Variants in LRMDA observed in about 807,000 individuals in gnomAD.
The protein encoded by LRMDA is leucine-rich melanocyte differentiation-associated protein.
In LRMDA, 18 loss-of-function variants were observed where a neutral mutation model predicts 29.8. The observed-to-expected ratio is 0.60, with a 90% CI of 0.42 to 0.90. LRMDA has a LOEUF of 0.90. Among genes scored for constraint, LRMDA ranks in the 40% least tolerant of loss-of-function variants. LRMDA has a pLI of 0.00. For synonymous variants in LRMDA, 125 were observed against 109.4 expected (o/e 1.14, Z -0.89); for missense variants, 273 against 273.9 (o/e 1.00, Z 0.02).
At chr10:76,047,104 G>A (rs1176635959) in intron 3 of LRMDA, 60 bp from the exon 4 acceptor site, 7 of 1,594,020 alleles carry the variant, frequency 4.4e-6, no homozygotes. Context: ...TGTCAGTCAT[G>A]GCCTATGCTC....
intron 6 of LRMDA, among the ~76,000 whole-genome samples, chr10:76,435,333 C>T (rs1842234563): frequency 6.6e-6 from 1 of 152,166 alleles, no homozygotes; most frequent in African/African-American, 2.4e-5. Context: ...CCAATGTTCT[C>T]ACCCCAAGTT....
chr10:75,850,227 A>G (rs1844709369), intron 2 of LRMDA, among the ~76,000 whole-genome samples: 1 of 152,250 alleles, frequency 6.6e-6, no homozygotes, highest in East Asian at 1.9e-4. Flanking sequence ...CTCAATTGGG[A>G]ATAAAAAGAT....
intron 6 of LRMDA, among the ~76,000 whole-genome samples, chr10:76,457,817 G>A (rs932505399): frequency 3.3e-5 from 5 of 152,150 alleles, no homozygotes; most frequent in African/African-American, 1.2e-4. Context: ...TTCCTTAGGA[G>A]CAATCGTTCA....
intron 5 of LRMDA, among the ~76,000 whole-genome samples, chr10:76,201,081 ATT>A (rs1851419412): frequency 9.0e-6 from 1 of 110,682 alleles, no homozygotes; most frequent in South Asian, 2.9e-4. Context: ...TTATTTATTT[ATT>A]TATTTATTTA....
chr10:75,881,492 C>CA (rs1466275548), intron 2 of LRMDA, among the ~76,000 whole-genome samples: 2 of 152,156 alleles, frequency 1.3e-5, no homozygotes, highest in Non-Finnish European at 2.9e-5. Flanking sequence ...CTCTCCCCCC[C>CA]ACTACCCCTA....
At chr10:76,165,486 G>A (rs1038183732) in intron 5 of LRMDA, among the ~76,000 whole-genome samples, 7 of 152,134 alleles carry the variant, frequency 4.6e-5, no homozygotes, top group African/African-American at 1.4e-4. Context: ...TGGCCAGGCT[G>A]GCCTCAAATG....
intron 6 of LRMDA, among the ~76,000 whole-genome samples, chr10:76,417,665 G>T (rs1199716302): frequency 6.6e-6 from 1 of 152,074 alleles, no homozygotes; most frequent in Non-Finnish European, 1.5e-5. Flanking sequence ...TGTTGTTGTT[G>T]TTCAATGTTA....
chr10:75,665,082 C>A (rs1397413103), intron 2 of LRMDA, among the ~76,000 whole-genome samples: 4 of 152,176 alleles, frequency 2.6e-5, no homozygotes, highest in Non-Finnish European at 5.9e-5. Context: ...AAAGAAGCCT[C>A]CATAGAAGAA....
intron 2 of LRMDA, among the ~76,000 whole-genome samples, chr10:75,477,343 C>T (rs978165326): frequency 6.6e-6 from 1 of 152,160 alleles, no homozygotes; most frequent in African/African-American, 2.4e-5. Flanking sequence ...GACCCTGTCT[C>T]CCATTCTGAG....
At chr10:76,168,378 GA>G (rs1442953940) in intron 5 of LRMDA, among the ~76,000 whole-genome samples, 1 of 152,152 alleles carries the variant, frequency 6.6e-6, no homozygotes, top group Non-Finnish European at 1.5e-5. Context: ...TGTGTTGGGA[GA>G]GAAAAAAACA....
chr10:75,973,509 C>T (rs1318231177), intron 2 of LRMDA, among the ~76,000 whole-genome samples: 3 of 151,770 alleles, frequency 2.0e-5, no homozygotes, highest in Non-Finnish European at 4.4e-5. Context: ...ACCTCCACCT[C>T]CTGGGTTCAA....
chr10:75,841,849 T>C (rs942369089), intron 2 of LRMDA, among the ~76,000 whole-genome samples: 5 of 152,228 alleles, frequency 3.3e-5, no homozygotes, highest in Admixed American at 2.0e-4. Context: ...GTGATCATCC[T>C]AGTTAGGACA....
At chr10:75,686,206 C>T (rs1230410437) in intron 2 of LRMDA, among the ~76,000 whole-genome samples, 1 of 152,104 alleles carries the variant, frequency 6.6e-6, no homozygotes, top group Non-Finnish European at 1.5e-5. Flanking sequence ...TGTGATTGTA[C>T]CAGCTGGGCA....
intron 5 of LRMDA, among the ~76,000 whole-genome samples, chr10:76,148,403 C>T (rs1850372120): frequency 6.6e-6 from 1 of 152,130 alleles, no homozygotes; most frequent in Non-Finnish European, 1.5e-5. Context: ...GGGAACCCCT[C>T]CCCCAACCTC....
intron 5 of LRMDA, among the ~76,000 whole-genome samples, chr10:76,258,424 C>T (rs1839893856): frequency 6.6e-6 from 1 of 152,008 alleles, no homozygotes; most frequent in African/African-American, 2.4e-5. Context: ...ATTAGCATAT[C>T]CCTCATCGCA....
At chr10:75,532,355 G>T (rs888033575) in intron 2 of LRMDA, among the ~76,000 whole-genome samples, 1 of 152,070 alleles carries the variant, frequency 6.6e-6, no homozygotes, top group African/African-American at 2.4e-5. Context: ...TGGAATTTTT[G>T]ATCCAGGCTG....
At chr10:76,036,326 T>C (rs1848245514) in intron 3 of LRMDA, among the ~76,000 whole-genome samples, 192 bp downstream of exon 3, 1 of 152,250 alleles carries the variant, frequency 6.6e-6, no homozygotes, top group Non-Finnish European at 1.5e-5. Context: ...CAGAGTAATT[T>C]ATTATAGGTC....
At chr10:76,475,326 G>T (rs866717148) in intron 6 of LRMDA, among the ~76,000 whole-genome samples, 2 of 151,738 alleles carry the variant, frequency 1.3e-5, no homozygotes, top group Non-Finnish European at 2.9e-5. Context: ...TAAATTTTAC[G>T]CTATGTTTAT....
intron 5 of LRMDA, among the ~76,000 whole-genome samples, chr10:76,287,201 CT>C (rs1402261382): frequency 1.9e-5 from 1 of 53,214 alleles, no homozygotes; most frequent in African/African-American, 5.0e-5. Context: ...GTTGTGGCTT[CT>C]TCTTTATTTG....
Sources: allele counts gnomAD v4.1 joint callset (sites outside exome capture counted in the v4.1 genomes callset), GRCh38; gene constraint gnomAD v4.1.1; transcripts MANE v1.5; gene names NCBI Gene and HGNC (gene_info 2026-07-23, HGNC 2026-07-21).